The following NHSL3 variants were observed in gnomAD, a reference collection of about 807,000 sequenced individuals.
NHSL3 encodes NHS like 3.
At chr1:32,773,425 T>G in the NHSL3 span, 1 of 160,678 alleles carries the variant, frequency 6.2e-6, no homozygotes, top group Non-Finnish European at 1.4e-5. Context: ...CAGTCCAGTT[T>G]ACTCCTCTTG....
At chr1:32,771,413 A>G in the NHSL3 span, 12 of 1,533,284 alleles carry the variant, frequency 7.8e-6, no homozygotes, top group Non-Finnish European at 1.1e-5. Context: ...CCACCCACTA[A>G]GAAGCCAGAG....
chr1:32,768,500 C>A, the NHSL3 span: 2 of 810,128 alleles, frequency 2.5e-6, no homozygotes, highest in Non-Finnish European at 3.9e-6. Flanking sequence ...GAGGCTGAGG[C>A]AGGATAATCG....
chr1:32,761,679 T>C, the NHSL3 span, among the ~76,000 whole-genome samples: 6 of 152,336 alleles, frequency 3.9e-5, 1 homozygote, highest in African/African-American at 9.6e-5. Flanking sequence ...GAAGAACTTT[T>C]GTAAGAGCCA....
chr1:32,770,199 G>C, the NHSL3 span: 4 of 1,604,224 alleles, frequency 2.5e-6, no homozygotes, highest in Admixed American at 5.0e-5. The surrounding 1 kb of genome is among the most constrained non-coding windows in gnomAD (Gnocchi z 8.3). Flanking sequence ...CCCTGAGCCC[G>C]GCCATGTCCA....
At chr1:32,769,982 G>A in the NHSL3 span, 1 of 1,607,810 alleles carries the variant, frequency 6.2e-7, no homozygotes, top group South Asian at 1.1e-5. Flanking sequence ...GGCACCTCAG[G>A]GATGGGGGCC....
chr1:32,770,949 T>TTCCCCCCC, the NHSL3 span: 1 of 1,563,256 alleles, frequency 6.4e-7, no homozygotes, highest in Non-Finnish European at 8.8e-7. This position sits in a 1 kb window ranked among gnomAD's most constrained non-coding sequence, Gnocchi z 8.3. Context: ...AAAGTGGTAC[T>TTCCCCCCC]CCCACCCTCC....
At chr1:32,756,475 C>CCCG in the NHSL3 span, among the ~76,000 whole-genome samples, 1 of 104,282 alleles carries the variant, frequency 9.6e-6, no homozygotes, top group Non-Finnish European at 2.2e-5. Flanking sequence ...ACGAGACCCC[C>CCCG]CCCCCCCGCC....
At chr1:32,751,729 T>G in the NHSL3 span, among the ~76,000 whole-genome samples, 1 of 151,948 alleles carries the variant, frequency 6.6e-6, no homozygotes, top group East Asian at 1.9e-4. Context: ...CAGGCCAAGG[T>G]GGAAGAGGGG....
At chr1:32,772,829 G>A in the NHSL3 span, 1 of 1,608,860 alleles carries the variant, frequency 6.2e-7, no homozygotes, top group Non-Finnish European at 8.5e-7. Context: ...AAGCCAGGAG[G>A]CCCCTTGCTA....
At chr1:32,750,969 G>C in the NHSL3 span, among the ~76,000 whole-genome samples, 1 of 151,838 alleles carries the variant, frequency 6.6e-6, no homozygotes, top group African/African-American at 2.4e-5. Context: ...CCGCCACCAT[G>C]CCTGGCTAAT....
the NHSL3 span, among the ~76,000 whole-genome samples, chr1:32,754,428 C>G: frequency 6.6e-6 from 1 of 151,924 alleles, no homozygotes; most frequent in Non-Finnish European, 1.5e-5. Flanking sequence ...TACGGACACG[C>G]AGACACAGGA....
chr1:32,771,520 G>T, the NHSL3 span: 1 of 1,597,204 alleles, frequency 6.3e-7, no homozygotes, highest in Non-Finnish European at 8.5e-7. Context: ...TGAGGAGCAG[G>T]ACCTGTCCAT....
At chr1:32,768,905 T>G in the NHSL3 span, 3 of 1,165,734 alleles carry the variant, frequency 2.6e-6, no homozygotes, top group Non-Finnish European at 3.6e-6. Flanking sequence ...CAGTACCCTG[T>G]GTCCTCTTGC....
chr1:32,772,543 T>C, the NHSL3 span: 2 of 1,454,352 alleles, frequency 1.4e-6, no homozygotes, highest in Admixed American at 2.7e-5. Flanking sequence ...TTAACTTTTC[T>C]GGTCTGAGAA....
chr1:32,765,554 A>G, the NHSL3 span: 2 of 1,371,664 alleles, frequency 1.5e-6, no homozygotes, highest in Non-Finnish European at 1.9e-6. Flanking sequence ...CACCCCATTT[A>G]AGGGGTGGGG....
the NHSL3 span, among the ~76,000 whole-genome samples, chr1:32,754,364 C>T: frequency 3.3e-5 from 5 of 151,626 alleles, no homozygotes; most frequent in East Asian, 9.7e-4. Context: ...TACGGGCGGG[C>T]ACACGTACAT....
At chr1:32,746,865 G>A in the NHSL3 span, among the ~76,000 whole-genome samples, 1 of 152,142 alleles carries the variant, frequency 6.6e-6, no homozygotes, top group South Asian at 2.1e-4. Flanking sequence ...ACCAGTTTTG[G>A]GGAAAGGGGT....
chr1:32,760,386 C>T, the NHSL3 span, among the ~76,000 whole-genome samples: 3 of 152,202 alleles, frequency 2.0e-5, no homozygotes, highest in Non-Finnish European at 1.5e-5. Flanking sequence ...TGCGCATGCG[C>T]GTGGCCTTGG....
At chr1:32,759,348 A>G in the NHSL3 span, among the ~76,000 whole-genome samples, 1 of 152,220 alleles carries the variant, frequency 6.6e-6, no homozygotes, top group Non-Finnish European at 1.5e-5. Flanking sequence ...TCTGGCATCC[A>G]TAAGATGGGG....
Sources: allele counts gnomAD v4.1 joint callset (sites outside exome capture counted in the v4.1 genomes callset), GRCh38; gene constraint gnomAD v4.1.1; non-coding constraint Gnocchi (gnomAD v3.1); transcripts MANE v1.5; gene names NCBI Gene and HGNC (gene_info 2026-07-23, HGNC 2026-07-21).